Variants in INTS3 observed in about 807,000 individuals in gnomAD.
INTS3 encodes the protein SOSS complex subunit A.
A neutral mutation model predicts 146.3 loss-of-function variants in INTS3; 34 were observed. The observed-to-expected ratio is 0.23, with a 90% CI of 0.18 to 0.31. The LOEUF is 0.31. Ranked by LOEUF, INTS3 falls within the 10% of genes least tolerant of loss-of-function variation. INTS3 has a pLI of 1.00. For synonymous variants in INTS3, 475 were observed against 494.9 expected, an observed-to-expected ratio of 0.96 and a Z score of 0.53; for missense variants, 757 against 1,304.2, an observed-to-expected ratio of 0.58 and a Z score of 6.46.
At chr1:153,759,896 T>A (rs941804442) in intron 11 of INTS3, 41 of 520,444 alleles carry the variant, frequency 7.9e-5, no homozygotes, top group African/African-American at 6.4e-4. Flanking sequence ...CTGCTTCTCC[T>A]CACCTATTAC....
rs1234962536 is a variant in INTS3 at position 153,768,873 on chromosome 1, C to A, written c.2245-20C>A. ...CTGAGGAGCCCATCCAGGACTCTTC[C>A]CCTCTCTTTTTCCATTTAGTTTCCA... On this transcript the variant is annotated intron_variant, in intron 21 of 29. Transcript: ENST00000318967. 1.9e-6 allele frequency: 3 copies of A among 1,604,788 alleles called. No homozygotes were observed. Among genetic ancestry groups the A allele is most frequent in the African/African-American group, 2.7e-5 (2 of 74,686 alleles).
Position 153,737,394 on chromosome 1 carries a change from C to CT in INTS3, c.151-3256dup, listed in dbSNP as rs375616238. Among the ~76,000 whole-genome samples, 610 of 152,336 alleles carry CT rather than the reference C, an allele frequency of 4.0e-3. 8 individuals are homozygous for CT. Among genetic ancestry groups the CT allele is most frequent in the African/African-American group, 0.014 (588 of 41,572 alleles). ...GCTTCTTCTGAACAGGGACCAGTGA[C>CT]TAAGGTTCCCTTAGAATGTTGAACA... On this transcript the variant is annotated intron_variant, in intron 1 of 29. Transcript: ENST00000318967.
rs1671786301 is a variant in INTS3 at position 153,747,316 on chromosome 1, T to G, written c.470T>G (p.Val157Gly). The G allele has an allele frequency of 1.2e-6, 2 of 1,614,128 alleles. No homozygotes were observed. Among genetic ancestry groups the G allele is most frequent in the Non-Finnish European group, 1.7e-6 (2 of 1,180,014 alleles). Reference protein sequence around the residue: ...WLVRELVKSGVLGADGVCMTF... With the variant: ...WLVRELVKSGGLGADGVCMTF... ...GTACGGGAACTGGTGAAGAGTGGGG[T>G]TCTGGGAGCCGATGGTGTTTGTATG... Residue 157 changes from valine to glycine, a missense_variant, in exon 5 of 30, where the codon GTT (valine) becomes GGT (glycine). By Grantham distance (109) the Val-to-Gly change is moderately radical (BLOSUM62 -3). Coordinates refer to ENST00000318967, the MANE Select transcript of INTS3 (RefSeq NM_023015.5).
chr1:153,768,784 G>A, intron 21 of INTS3, 109 bp from the exon 22 acceptor site: 1 of 821,166 alleles, frequency 1.2e-6, no homozygotes, highest in Non-Finnish European at 2.1e-6. Context: ...TAGGGCCTGT[G>A]TCTGGCTGAC....
In INTS3 at chr1:153,772,056, G is replaced by A; in HGVS notation, c.2720+93G>A. On this transcript the variant is annotated intron_variant, in intron 26 of 29. Coordinates refer to ENST00000318967, the MANE Select transcript of INTS3 (RefSeq NM_023015.5). The surrounding 1 kb of genome is among the most constrained non-coding windows in gnomAD (Gnocchi z 4.6). ...GTGGTGGTGGTGGTGGTGGTGATGG[G>A]GGTCAGTGCTGTCCCAGCCTGGTTT... 1 of 1,312,954 alleles carries A rather than the reference G, an allele frequency of 7.6e-7. No homozygotes were observed. The highest frequency in any genetic ancestry group is 1.5e-5 in the African/African-American group (1 of 68,114). The allele number at this position is 1,312,954 out of a possible 1,614,324, so 81.3% of individuals were successfully genotyped here.
Position 153,772,870 on chromosome 1 carries a change from G to C in INTS3, c.2895-55G>C. The C allele has an allele frequency of 6.2e-7, 1 of 1,607,014 alleles. No individual in the cohort carries two copies. On this transcript the variant is annotated intron_variant, in intron 28 of 29. Coordinates refer to ENST00000318967, the MANE Select transcript of INTS3 (RefSeq NM_023015.5). This position sits in a 1 kb window ranked among gnomAD's most constrained non-coding sequence, Gnocchi z 4.6. Reference sequence around the variant, plus strand: ...CCTGGGGGCAGAGAAGAGGATGGGAGGTGCCGTAGGAGCAGCAGGCTCCCA... The same window carrying C: ...CCTGGGGGCAGAGAAGAGGATGGGACGTGCCGTAGGAGCAGCAGGCTCCCA...
intron 3 of INTS3, among the ~76,000 whole-genome samples, chr1:153,742,499 T>TGTGTGTGTGTGTGTGTGC (rs1671575118): frequency 6.6e-6 from 1 of 151,970 alleles, no homozygotes; most frequent in African/African-American, 2.4e-5. Flanking sequence ...TGTGTGTGTG[T>TGTGTGTGTGTGTGTGTGC]GTGTGTGTGC....
chr1:153,753,361 A>G (rs1448136628), intron 8 of INTS3, among the ~76,000 whole-genome samples: 7 of 151,918 alleles, frequency 4.6e-5, no homozygotes, highest in Non-Finnish European at 1.0e-4. Context: ...GTTCAAGACC[A>G]TCCTGGGCAA....
At chr1:153,770,548 G>A in intron 24 of INTS3, 137 bp from the exon 25 acceptor site, 1 of 765,480 alleles carries the variant, frequency 1.3e-6, no homozygotes, top group Non-Finnish European at 2.2e-6. Context: ...ATAGGAGTGG[G>A]GTAGGGGATT....
At chr1:153,771,646 C>G in intron 25 of INTS3, 150 bp from the exon 26 acceptor site, 1 of 715,616 alleles carries the variant, frequency 1.4e-6, no homozygotes, top group Non-Finnish European at 2.3e-6. Context: ...AGGATGAAAC[C>G]AGGCATTCCT....
chr1:153,759,864 A>T, intron 11 of INTS3: 1 of 553,218 alleles, frequency 1.8e-6, no homozygotes, highest in East Asian at 3.0e-5. Flanking sequence ...GGCATGGGCA[A>T]AGGAAAAGGC....
At chr1:153,759,969 G>A (rs766779755) in intron 11 of INTS3, 32 of 488,550 alleles carry the variant, frequency 6.5e-5, no homozygotes, top group Non-Finnish European at 1.1e-4. Flanking sequence ...GCTGTTTCGG[G>A]GCCTGTCTGC....
rs1300980054 is a variant in INTS3 at position 153,769,817 on chromosome 1, C to T, written c.2362C>T (p.Arg788Ter). The change falls in exon 23 of 30, where the codon CGA (arginine) becomes TGA (stop). Residue 788 changes from arginine to a stop codon, truncating the protein, a stop_gained. Transcript: ENST00000318967. LOFTEE classifies it high-confidence loss of function. ...HVMMGNLVMF[R>*]KDSVLNILIQ... ...GATGATGGGTAACCTGGTTATGTTT[C>T]GAAAAGACTCAGTTCTCAACATACT... The T allele has an allele frequency of 1.2e-6, 2 of 1,613,102 alleles. No homozygotes were observed. Among genetic ancestry groups the T allele is most frequent in the Non-Finnish European group, 1.7e-6 (2 of 1,179,216 alleles).
rs1672188810 is a variant in INTS3, at chr1:153,757,094, G to A, written c.958-478G>A. Among the ~76,000 whole-genome samples, 1 of 152,322 alleles carries A rather than the reference G, an allele frequency of 6.6e-6. No homozygotes were observed. The highest frequency in any genetic ancestry group is 2.4e-5 in the African/African-American group (1 of 41,564). On this transcript the variant is annotated intron_variant, in intron 9 of 29. Transcript: ENST00000318967. The surrounding 1 kb of genome is among the most constrained non-coding windows in gnomAD (Gnocchi z 4.0). ...GGAAAAACTTTCCACAAGAAGGTTT[G>A]GAGAGTCTAGGCTTTGGATAATGGT...
At position 153,728,660 on chromosome 1, in the gene INTS3, C is replaced by G; in HGVS notation, c.26C>G (p.Ala9Gly). 20 of 1,605,160 alleles carry G rather than the reference C, an allele frequency of 1.2e-5. No individual in the cohort carries two copies. The highest frequency in any genetic ancestry group is 1.7e-5 in the Non-Finnish European group (20 of 1,177,078). ...ATGGAGTTGCAGAAGGGAAAAGGGG[C>G]GGCAGCAGCAGCAGCTGCTTCGGGA... MELQKGKG[A>G]AAAAAASGAA... The change falls in exon 1 of 30, where the codon GCG becomes GGG. Residue 9 changes from alanine to glycine, a missense_variant. Physicochemically the swap from Ala to Gly is moderately conservative, Grantham distance 60. Coordinates refer to ENST00000318967, the MANE Select transcript of INTS3 (RefSeq NM_023015.5).
At chr1:153,729,156 G>A (rs1670971843) in intron 1 of INTS3, among the ~76,000 whole-genome samples, 1 of 152,188 alleles carries the variant, frequency 6.6e-6, no homozygotes, top group African/African-American at 2.4e-5. Context: ...TGTAATGTAT[G>A]TCTGTGTAGA....
In INTS3 at chr1:153,767,190, A is replaced by G. The variant is rs979456253; in HGVS notation, c.2091-484A>G. ...ACTTTTTATGAAGCTAAATTTGTCT[A>G]TTTTTTTCTTTTACCACTTGTGTTT... On this transcript the variant is annotated intron_variant, in intron 20 of 29. Transcript: ENST00000318967. 34 of 153,166 alleles carry G rather than the reference A, an allele frequency of 2.2e-4. No individual in the cohort carries two copies. In the East Asian group the frequency reaches 2.3e-3, roughly 10 times the overall value. The allele number at this position is 153,166 out of a possible 1,614,324, so 9.5% of individuals were successfully genotyped here.
chr1:153,762,397 T>G lies in INTS3; in HGVS notation c.1517-331T>G, dbSNP rs562622130. ...ACGGGGAGGTTGCAGTGAGCCGAGATGGCGCCACTGCACTCCAGCCCAGGC... is the reference window on the plus strand; with the variant it reads ...ACGGGGAGGTTGCAGTGAGCCGAGAGGGCGCCACTGCACTCCAGCCCAGGC... On this transcript the variant is annotated intron_variant, in intron 14 of 29. Coordinates refer to ENST00000318967, the MANE Select transcript of INTS3 (RefSeq NM_023015.5). 1.6e-3 allele frequency among the ~76,000 whole-genome samples: 250 copies of G among 152,342 alleles called. 1 individual carries two copies. The highest frequency in any genetic ancestry group is 2.6e-3 in the Non-Finnish European group (180 of 68,026).
At position 153,728,548 on chromosome 1, in the gene INTS3, C is replaced by T; in HGVS notation, c.-87C>T. The T allele has an allele frequency of 1.4e-6, 2 of 1,477,418 alleles. No homozygotes were observed. Among genetic ancestry groups the T allele is most frequent in the Non-Finnish European group, 1.8e-6 (2 of 1,109,402 alleles). 91.5% of individuals were successfully genotyped at this position (1,477,418 alleles called of 1,614,324 possible). A position where few individuals can be genotyped will look rare whatever the true frequency, so the allele number is the denominator to read the frequency against. On this transcript the variant is annotated 5_prime_UTR_variant, in exon 1 of 30. Coordinates refer to ENST00000318967, the MANE Select transcript of INTS3 (RefSeq NM_023015.5). ...CCTCCCCAACTTGTTCCTCTTGCCC[C>T]CCAGTCCCTGGCAATCCAGAGATCC...
Sources: gnomAD v4.1 joint callset for allele counts (sites outside exome capture counted in the v4.1 genomes callset) on GRCh38, gnomAD v4.1.1 for gene constraint, Gnocchi (gnomAD v3.1) non-coding constraint, MANE v1.5 for transcripts, NCBI Gene and HGNC (gene_info 2026-07-23, HGNC 2026-07-21) for gene names.